PRELID2: variants seen among roughly 807,000 people sequenced by gnomAD.
The protein encoded by PRELID2 is PRELI domain containing 2.
A neutral mutation model predicts 28.4 loss-of-function variants in PRELID2; 25 were observed. The ratio of observed to expected loss-of-function variants is 0.88; its 90% CI spans 0.64 to 1.23. PRELID2 has a LOEUF of 1.23. PRELID2 is among the 50% of genes most tolerant of loss of function. The pLI, the probability that PRELID2 is intolerant of heterozygous loss-of-function variation, is 0.00. For synonymous variants in PRELID2, 76 were observed against 71.6 expected (o/e 1.06, Z -0.31); for missense variants, 201 against 214.4 (o/e 0.94, Z 0.39).
chr5:145,778,222 C>T (rs1758539585), intron 5 of PRELID2, among the ~76,000 whole-genome samples: 1 of 152,202 alleles, frequency 6.6e-6, no homozygotes, highest in African/African-American at 2.4e-5. Flanking sequence ...AGGGCCTCCT[C>T]TCTGCTGACA....
At chr5:145,826,644 C>G (rs1190744965) in intron 1 of PRELID2, among the ~76,000 whole-genome samples, 3 of 151,930 alleles carry the variant, frequency 2.0e-5, no homozygotes, top group African/African-American at 7.3e-5. Flanking sequence ...TGTAGACGTG[C>G]CTAAAGCTGT....
chr5:145,781,551 T>C (rs1363922179), intron 5 of PRELID2, among the ~76,000 whole-genome samples: 3 of 150,396 alleles, frequency 2.0e-5, no homozygotes, highest in African/African-American at 7.3e-5. Flanking sequence ...GCAGCCCCTA[T>C]ATTTATATTT....
At chr5:145,341,895 C>T in the PRELID2 span, among the ~76,000 whole-genome samples, 4 of 152,156 alleles carry the variant, frequency 2.6e-5, no homozygotes, top group Non-Finnish European at 5.9e-5. Flanking sequence ...CTTTCCCATA[C>T]AGGTGGCTCA....
the PRELID2 span, among the ~76,000 whole-genome samples, chr5:145,357,703 A>G: frequency 6.6e-6 from 1 of 152,080 alleles, no homozygotes; most frequent in Non-Finnish European, 1.5e-5. Context: ...CTGAATGTCG[A>G]TGATCTTTGT....
chr5:145,711,494 A>G (rs765593175), intron 1 of PRELID2, among the ~76,000 whole-genome samples: 52 of 152,182 alleles, frequency 3.4e-4, no homozygotes, highest in Non-Finnish European at 6.0e-4. Flanking sequence ...GAGCGCTATC[A>G]TGACTGCTCA....
chr5:145,744,529 T>C (rs76496377), intron 1 of PRELID2, among the ~76,000 whole-genome samples: 5,608 of 152,214 alleles, frequency 0.037, 158 homozygotes, highest in African/African-American at 0.07. Flanking sequence ...TCCAGCCTTC[T>C]TGAGTGACAT....
the PRELID2 span, among the ~76,000 whole-genome samples, chr5:145,282,426 A>G: frequency 6.6e-6 from 1 of 152,172 alleles, no homozygotes; most frequent in Non-Finnish European, 1.5e-5. Flanking sequence ...TAAGACATTA[A>G]ATGGAATCTT....
chr5:145,467,070 G>A (rs2974571), downstream of PRELID2, among the ~76,000 whole-genome samples: 59,285 of 151,964 alleles, frequency 0.39, 11,742 homozygotes, highest in Admixed American at 0.41. Flanking sequence ...GCATCTCCCA[G>A]GAGTATCTTC....
chr5:145,772,092 A>G (rs1758143807), intron 5 of PRELID2, among the ~76,000 whole-genome samples: 1 of 152,216 alleles, frequency 6.6e-6, no homozygotes, highest in Non-Finnish European at 1.5e-5. Flanking sequence ...AGAAAGTGGA[A>G]TAACACCTAA....
intron 1 of PRELID2, among the ~76,000 whole-genome samples, chr5:145,515,341 C>A (rs1482973870): frequency 6.6e-6 from 1 of 152,166 alleles, no homozygotes; most frequent in Non-Finnish European, 1.5e-5. Flanking sequence ...CACAGAAATA[C>A]AAACTGCCAT....
At chr5:145,827,786 A>G (rs1224316747) in intron 1 of PRELID2, among the ~76,000 whole-genome samples, 5 of 152,202 alleles carry the variant, frequency 3.3e-5, no homozygotes, top group Non-Finnish European at 7.3e-5. Flanking sequence ...GCAAGGAAAG[A>G]CTGAGGAACC....
At chr5:145,303,752 T>C in the PRELID2 span, among the ~76,000 whole-genome samples, 1 of 152,196 alleles carries the variant, frequency 6.6e-6, no homozygotes, top group African/African-American at 2.4e-5. Context: ...AGCACCAAGT[T>C]GAAGGGACTA....
chr5:145,623,649 A>ATAGG (rs60907837), intron 1 of PRELID2, among the ~76,000 whole-genome samples: 2 of 151,852 alleles, frequency 1.3e-5, no homozygotes, highest in Non-Finnish European at 2.9e-5. Context: ...AGGTAGGTAG[A>ATAGG]TAGGTAGGTA....
chr5:145,316,549 A>G, the PRELID2 span, among the ~76,000 whole-genome samples: 1 of 152,200 alleles, frequency 6.6e-6, no homozygotes. Flanking sequence ...CTGATGCAGA[A>G]CTACTTAAAG....
chr5:145,378,238 C>T, the PRELID2 span, among the ~76,000 whole-genome samples: 5 of 152,088 alleles, frequency 3.3e-5, no homozygotes, highest in Non-Finnish European at 7.4e-5. Flanking sequence ...TCATTTCAAC[C>T]TCAGAAAATT....
At chr5:145,781,690 T>C (rs977693701) in intron 5 of PRELID2, among the ~76,000 whole-genome samples, 2 of 146,396 alleles carry the variant, frequency 1.4e-5, no homozygotes, top group African/African-American at 2.5e-5. Context: ...ATATATACAC[T>C]ATATATACTA....
chr5:145,460,280 A>G, the PRELID2 span, among the ~76,000 whole-genome samples: 1 of 152,306 alleles, frequency 6.6e-6, no homozygotes, highest in South Asian at 2.1e-4. Flanking sequence ...CTGGCTAATC[A>G]CACTGCCACC....
At chr5:145,744,504 CCATCTGTGA>C (rs577200636) in intron 1 of PRELID2, among the ~76,000 whole-genome samples, 149 of 152,232 alleles carry the variant, frequency 9.8e-4, no homozygotes, top group African/African-American at 3.5e-3. Flanking sequence ...AAAGCAGCAC[CCATCTGTGA>C]CATTTTCCAG....
chr5:145,409,394 T>C, the PRELID2 span, among the ~76,000 whole-genome samples: 2 of 152,124 alleles, frequency 1.3e-5, no homozygotes, highest in South Asian at 2.1e-4. Flanking sequence ...TGAATGTAAA[T>C]GGCCTAACTG....
Sources: allele counts gnomAD v4.1 joint callset (sites outside exome capture counted in the v4.1 genomes callset), GRCh38; gene constraint gnomAD v4.1.1; transcripts MANE v1.5; gene names NCBI Gene and HGNC (gene_info 2026-07-23, HGNC 2026-07-21).